Variants in CNTNAP3 observed in about 807,000 individuals in gnomAD.
The protein encoded by CNTNAP3 is contactin associated protein family member 3.
CNTNAP3 carries 36 observed loss-of-function variants against 92.1 expected under a neutral mutation model. The observed-to-expected ratio is 0.39, with a 90% CI of 0.30 to 0.52. The LOEUF (loss-of-function observed/expected upper bound fraction) is 0.52, where lower values mean the gene tolerates loss of function less well. Ranked by LOEUF, CNTNAP3 falls within the 20% of genes least tolerant of loss-of-function variation. CNTNAP3 has a pLI of 0.76. For synonymous variants in CNTNAP3, 232 were observed against 422.3 expected (o/e 0.55, Z 5.53); for missense variants, 534 against 1,069.6 (o/e 0.50, Z 6.98).
Position 39,127,480 on chromosome 9 carries a change from G to A in CNTNAP3, c.2080+5452C>T, listed in dbSNP as rs572214951. 9.2e-5 allele frequency among the ~76,000 whole-genome samples: 14 copies of A among 152,156 alleles called. No homozygotes were observed. In the East Asian group the frequency reaches 1.2e-3, roughly 13 times the overall value. On this transcript the variant is annotated intron_variant, in intron 13 of 23. Transcript: ENST00000297668. ...AAAATAATAGAGAAAATCATGAATC[G>A]AAAATCTAGTTCTAAAAAACAGTAA...
In CNTNAP3 at chr9:39,069,443, G is replaced by T. The variant is rs555484360; in HGVS notation, c.*4447C>A. On this transcript the variant is annotated 3_prime_UTR_variant, in exon 24 of 24. Transcript: ENST00000297668. ...TAGCTAAGTTAGAAATTTTCATATC[G>T]CAAAATCTAAAAGTTCATCTTATGA... Among the ~76,000 whole-genome samples the T allele has an allele frequency of 2.0e-5, 3 of 152,300 alleles. No individual in the cohort carries two copies. The highest frequency in any genetic ancestry group is 4.4e-5 in the Non-Finnish European group (3 of 68,048).
intron 9 of CNTNAP3, among the ~76,000 whole-genome samples, chr9:39,152,456 G>T (rs1821863444): frequency 6.9e-6 from 1 of 145,542 alleles, no homozygotes; most frequent in Middle Eastern, 3.2e-3. Flanking sequence ...AAATGGTACA[G>T]CAGAACCTTC....
chr9:39,091,171 C>CTTTTTT (rs201329360), intron 18 of CNTNAP3, among the ~76,000 whole-genome samples: 20 of 128,488 alleles, frequency 1.6e-4, no homozygotes, highest in African/African-American at 5.4e-4. Context: ...TTTTCTTCTT[C>CTTTTTT]TTTTTTTTTT....
intron 15 of CNTNAP3, among the ~76,000 whole-genome samples, chr9:39,104,494 A>ACACACACACG (rs1826551291): frequency 6.7e-6 from 1 of 148,184 alleles, no homozygotes; most frequent in Non-Finnish European, 1.5e-5. Context: ...ACACACACAC[A>ACACACACACG]CACACACACA....
intron 17 of CNTNAP3, among the ~76,000 whole-genome samples, chr9:39,102,258 C>T (rs201899001): frequency 0.12 from 16,249 of 141,296 alleles, no homozygotes; most frequent in East Asian, 0.19. Flanking sequence ...CCAGCCTGGG[C>T]GACACAGTGA....
chr9:39,132,433 T>G (rs1821315424), intron 13 of CNTNAP3, among the ~76,000 whole-genome samples: 1 of 152,126 alleles, frequency 6.6e-6, no homozygotes, highest in Admixed American at 6.5e-5. Context: ...ACAAAAGGTT[T>G]TAATAACCCT....
chr9:39,144,893 T>C (rs1758290), intron 10 of CNTNAP3, among the ~76,000 whole-genome samples: 3 of 151,788 alleles, frequency 2.0e-5, no homozygotes, highest in African/African-American at 7.2e-5. Flanking sequence ...TTAACACTGG[T>C]AATATGTCAA....
intron 14 of CNTNAP3, among the ~76,000 whole-genome samples, chr9:39,116,267 G>A (rs2117951945): frequency 6.6e-6 from 1 of 152,328 alleles, no homozygotes; most frequent in Admixed American, 6.5e-5. Flanking sequence ...TCTCTGACCT[G>A]TAGAGAATGG....
chr9:39,115,039 G>C lies in CNTNAP3; in HGVS notation c.2237+3064C>G, dbSNP rs1820821867. Among the ~76,000 whole-genome samples, 6 of 150,842 alleles carry C rather than the reference G, an allele frequency of 4.0e-5. No homozygotes were observed. In the South Asian group the frequency reaches 1.3e-3, roughly 32 times the overall value. On this transcript the variant is annotated intron_variant, in intron 14 of 23. Coordinates refer to ENST00000297668, the MANE Select transcript of CNTNAP3 (RefSeq NM_033655.5). Reference sequence around the variant, plus strand: ...ATATTTGTTTTTATAATAAATCTTTGGCATGTTATAGTTATTTGATAGAAT... The same window carrying C: ...ATATTTGTTTTTATAATAAATCTTTCGCATGTTATAGTTATTTGATAGAAT...
intron 10 of CNTNAP3, among the ~76,000 whole-genome samples, chr9:39,147,501 T>A (rs1201883786): frequency 6.6e-6 from 1 of 152,212 alleles, no homozygotes; most frequent in African/African-American, 2.4e-5. Flanking sequence ...GCTAGTCTTC[T>A]ACGTTACTGA....
chr9:39,142,697 T>G lies in CNTNAP3; in HGVS notation c.1756+1543A>C, dbSNP rs1224775437. 3.3e-5 allele frequency among the ~76,000 whole-genome samples: 5 copies of G among 150,676 alleles called. 1 individual carries two copies. The highest frequency in any genetic ancestry group is 3.0e-5 in the Non-Finnish European group (2 of 67,754). On this transcript the variant is annotated intron_variant, in intron 11 of 23. Transcript: ENST00000297668. ...AAAAAAAAAAAAAAAAGAAAATGTG[T>G]CACGGCTTTATAAACAGGGACCCTT...
At chr9:39,146,204 G>A (rs1467587493) in intron 10 of CNTNAP3, among the ~76,000 whole-genome samples, 3 of 152,118 alleles carry the variant, frequency 2.0e-5, no homozygotes, top group African/African-American at 4.8e-5. Flanking sequence ...AGGGGAAGAT[G>A]GCAGAGGGAG....
intron 15 of CNTNAP3, among the ~76,000 whole-genome samples, chr9:39,106,124 C>T (rs1263062648): frequency 1.3e-5 from 2 of 152,132 alleles, no homozygotes; most frequent in South Asian, 2.1e-4. Flanking sequence ...GACCCTATCC[C>T]TGCAGATCCC....
chr9:39,146,057 T>A (rs1433429813), intron 10 of CNTNAP3, among the ~76,000 whole-genome samples: 1 of 151,942 alleles, frequency 6.6e-6, no homozygotes, highest in Non-Finnish European at 1.5e-5. Context: ...TATTTGGAAA[T>A]AAGAACTATT....
Position 39,089,207 on chromosome 9 carries a change from T to C in CNTNAP3, c.2996-560A>G, listed in dbSNP as rs531779858. Reference sequence around the variant, plus strand: ...TCCATAACCTCTAGCAGTCATTCTCTGTTTCTCCCCAACACCCCAGCCTAG... The same window carrying C: ...TCCATAACCTCTAGCAGTCATTCTCCGTTTCTCCCCAACACCCCAGCCTAG... On this transcript the variant is annotated intron_variant, in intron 18 of 23. Transcript: ENST00000297668. 7.9e-5 allele frequency among the ~76,000 whole-genome samples: 12 copies of C among 152,288 alleles called. No homozygotes were observed. In the South Asian group the frequency reaches 2.5e-3, roughly 32 times the overall value.
intron 13 of CNTNAP3, among the ~76,000 whole-genome samples, chr9:39,131,014 A>G (rs1295213847): frequency 6.6e-6 from 1 of 151,980 alleles, no homozygotes; most frequent in Non-Finnish European, 1.5e-5. Flanking sequence ...ATCTTTTCAA[A>G]AGAGGAGAAA....
chr9:39,135,514 A>G (rs1053987194), intron 12 of CNTNAP3, among the ~76,000 whole-genome samples: 1 of 152,032 alleles, frequency 6.6e-6, no homozygotes, highest in Non-Finnish European at 1.5e-5. Flanking sequence ...TCCCTGTTCC[A>G]CTCCTGTTGC....
intron 12 of CNTNAP3, among the ~76,000 whole-genome samples, chr9:39,134,243 A>T (rs1821373056): frequency 6.6e-6 from 1 of 152,196 alleles, no homozygotes; most frequent in African/African-American, 2.4e-5. Flanking sequence ...TGTGATATCC[A>T]CAAATGAGCC....
rs369387956 is a variant in CNTNAP3 at position 39,272,885 on chromosome 9, G to A, written c.86-5879C>T. Among the ~76,000 whole-genome samples, 286 of 30,864 alleles carry A rather than the reference G, an allele frequency of 9.3e-3. 115 individuals are homozygous for A. The highest frequency in any genetic ancestry group is 0.017 in the African/African-American group (269 of 15,792). The allele number at this position is 30,864 out of a possible 152,430, so 20.2% of individuals were successfully genotyped here. On this transcript the variant is annotated intron_variant, in intron 1 of 23. Transcript: ENST00000297668. Reference sequence around the variant, plus strand: ...TGTTTGCAACTCAAAGGATAATTGCGTGAGGGGATGGATACTCCATTTTTC... The same window carrying A: ...TGTTTGCAACTCAAAGGATAATTGCATGAGGGGATGGATACTCCATTTTTC...
Sources: allele counts gnomAD v4.1 joint callset (sites outside exome capture counted in the v4.1 genomes callset), GRCh38; gene constraint gnomAD v4.1.1; transcripts MANE v1.5; gene names NCBI Gene and HGNC (gene_info 2026-07-23, HGNC 2026-07-21).